GPC6: variants seen among roughly 807,000 people sequenced by gnomAD.
GPC6 encodes the protein glypican 6.
Under a neutral mutation model 55.2 loss-of-function variants are expected in GPC6, and 14 were observed. The ratio of observed to expected loss-of-function variants is 0.25; its 90% CI spans 0.17 to 0.40. The LOEUF is 0.40. Ranked by LOEUF, GPC6 falls within the 10% of genes least tolerant of loss-of-function variation. GPC6 has a pLI of 1.00. For missense variants in GPC6, 641 were observed against 708.5 expected (o/e 0.90, Z 1.08); for synonymous variants, 278 against 259.6 (o/e 1.07, Z -0.68).
intron 2 of GPC6, among the ~76,000 whole-genome samples, chr13:93,788,530 C>CACACACACAG (rs1885887067): frequency 6.6e-6 from 1 of 151,642 alleles, no homozygotes; most frequent in Admixed American, 6.6e-5. Flanking sequence ...CACACACACA[C>CACACACACAG]ACACACACAC....
At chr13:93,883,882 C>T (rs773382558) in intron 3 of GPC6, among the ~76,000 whole-genome samples, 1 of 151,940 alleles carries the variant, frequency 6.6e-6, no homozygotes, top group Admixed American at 6.6e-5. Context: ...TTACTAAGCA[C>T]AGTGTAAAAC....
intron 2 of GPC6, among the ~76,000 whole-genome samples, chr13:93,711,529 C>G (rs1883063080): frequency 6.6e-6 from 1 of 151,684 alleles, no homozygotes; most frequent in South Asian, 2.1e-4. Context: ...AGCATAATGT[C>G]ATGGTATAGA....
intron 1 of GPC6, among the ~76,000 whole-genome samples, chr13:93,535,246 T>G (rs1330651902): frequency 6.6e-6 from 1 of 152,180 alleles, no homozygotes. Context: ...AGGATTGCAC[T>G]TTCTCCTTCT....
chr13:94,255,460 A>T (rs537755437), intron 4 of GPC6, among the ~76,000 whole-genome samples: 4 of 152,328 alleles, frequency 2.6e-5, no homozygotes, highest in Middle Eastern at 3.4e-3. Context: ...AAGGTCACAG[A>T]GAAGAGAAGC....
chr13:93,745,953 T>A (rs886111514), intron 2 of GPC6, among the ~76,000 whole-genome samples: 3 of 152,182 alleles, frequency 2.0e-5, no homozygotes, highest in African/African-American at 7.2e-5. Flanking sequence ...AAGAAACAAA[T>A]CAGTGATAAT....
intron 1 of GPC6, among the ~76,000 whole-genome samples, chr13:93,352,837 G>A (rs1056311952): frequency 7.9e-5 from 12 of 152,242 alleles, no homozygotes; most frequent in African/African-American, 2.9e-4. Context: ...TCTGATTACT[G>A]TGTGATGAGT....
At chr13:93,895,250 A>G (rs879466174) in intron 3 of GPC6, among the ~76,000 whole-genome samples, 8,945 of 66,422 alleles carry the variant, frequency 0.13, 1,445 homozygotes, top group African/African-American at 0.32. Context: ...ATATATATAT[A>G]TATATATATA....
chr13:93,928,856 T>TACACACACAC (rs10642875), intron 3 of GPC6, among the ~76,000 whole-genome samples: 3,383 of 142,940 alleles, frequency 0.024, 76 homozygotes, highest in African/African-American at 0.056. Flanking sequence ...CCCTGTGTGT[T>TACACACACAC]ACACACACAC....
At chr13:93,313,797 G>T (rs1020694360) in intron 1 of GPC6, among the ~76,000 whole-genome samples, 1 of 152,000 alleles carries the variant, frequency 6.6e-6, no homozygotes, top group Non-Finnish European at 1.5e-5. Flanking sequence ...CTCTCAAGTA[G>T]CTGGGACTAC....
intron 3 of GPC6, among the ~76,000 whole-genome samples, chr13:93,978,230 G>A (rs1252035013): frequency 6.6e-6 from 1 of 152,154 alleles, no homozygotes; most frequent in Non-Finnish European, 1.5e-5. Context: ...AGCCTCCAGA[G>A]AGGAATGCAG....
intron 4 of GPC6, among the ~76,000 whole-genome samples, chr13:94,260,993 G>A (rs978645154): frequency 2.0e-5 from 3 of 152,136 alleles, no homozygotes; most frequent in African/African-American, 4.8e-5. Context: ...AGGAAAAGGC[G>A]CCGGGCACAG....
At chr13:93,996,701 T>C (rs1053365021) in intron 3 of GPC6, among the ~76,000 whole-genome samples, 3 of 152,202 alleles carry the variant, frequency 2.0e-5, no homozygotes, top group African/African-American at 7.2e-5. Flanking sequence ...GCAACTGGTC[T>C]GAGAGGACAA....
intron 1 of GPC6, among the ~76,000 whole-genome samples, chr13:93,482,382 C>T: frequency 6.6e-6 from 1 of 151,956 alleles, no homozygotes; most frequent in Non-Finnish European, 1.5e-5. Flanking sequence ...CTTAATTGCC[C>T]TTCTGAGGGT....
intron 1 of GPC6, among the ~76,000 whole-genome samples, chr13:93,503,165 CATT>C (rs1880584288): frequency 6.7e-6 from 1 of 148,902 alleles, no homozygotes; most frequent in Admixed American, 6.8e-5. Context: ...TACATCATCT[CATT>C]TAATGTGCAC....
chr13:93,543,319 A>G (rs926300499), intron 1 of GPC6, among the ~76,000 whole-genome samples: 3 of 152,106 alleles, frequency 2.0e-5, no homozygotes, highest in African/African-American at 7.2e-5. Context: ...TATATGCTGG[A>G]TTACATTTAT....
At chr13:93,217,932 A>G in the GPC6 span, among the ~76,000 whole-genome samples, 1 of 152,176 alleles carries the variant, frequency 6.6e-6, no homozygotes. Context: ...TTTACCAATT[A>G]AAAGCAAACA....
chr13:93,261,601 T>C (rs1877151302), intron 1 of GPC6, among the ~76,000 whole-genome samples: 1 of 152,294 alleles, frequency 6.6e-6, no homozygotes, highest in South Asian at 2.1e-4. Context: ...GAGAAAACAG[T>C]GTCTATTCCT....
At chr13:94,046,913 A>G (rs1465340992) in intron 4 of GPC6, among the ~76,000 whole-genome samples, 3 of 152,164 alleles carry the variant, frequency 2.0e-5, no homozygotes, top group African/African-American at 7.2e-5. Context: ...CTTGCAATGA[A>G]TACTAACTAT....
intron 4 of GPC6, among the ~76,000 whole-genome samples, chr13:94,131,093 A>T (rs1376224272): frequency 6.6e-6 from 1 of 152,130 alleles, no homozygotes; most frequent in Non-Finnish European, 1.5e-5. Flanking sequence ...TTTTCAAGGC[A>T]AAGTTATTCT....
Sources: allele counts gnomAD v4.1 joint callset (sites outside exome capture counted in the v4.1 genomes callset), GRCh38; gene constraint gnomAD v4.1.1; transcripts MANE v1.5; gene names NCBI Gene and HGNC (gene_info 2026-07-23, HGNC 2026-07-21).